The following CBX1 variants were observed in gnomAD, a reference collection of about 807,000 sequenced individuals.
CBX1 encodes chromobox protein homolog 1.
CBX1 carries 10 observed loss-of-function variants against 25.1 expected under a neutral mutation model. That is an observed-to-expected ratio of 0.40 (90% CI 0.25 to 0.68). The LOEUF (loss-of-function observed/expected upper bound fraction) is 0.68, where lower values mean the gene tolerates loss of function less well. Ranked by LOEUF, CBX1 falls within the 30% of genes least tolerant of loss-of-function variation. The pLI, the probability that CBX1 is intolerant of heterozygous loss-of-function variation, is 0.40. For missense variants in CBX1, 106 were observed against 218.5 expected, an observed-to-expected ratio of 0.49 and a Z score of 3.25; for synonymous variants, 63 against 79.4, an observed-to-expected ratio of 0.79 and a Z score of 1.10.
intron 1 of CBX1, among the ~76,000 whole-genome samples, chr17:48,091,535 C>CTTTTT (rs4053473): frequency 9.7e-4 from 70 of 72,162 alleles, no homozygotes; most frequent in African/African-American, 3.3e-3. Flanking sequence ...CCACCATGCC[C>CTTTTT]TTTTTTTTTT....
chr17:48,087,664 G>A (rs570115030), intron 1 of CBX1, among the ~76,000 whole-genome samples: 47 of 152,144 alleles, frequency 3.1e-4, no homozygotes, highest in Non-Finnish European at 5.7e-4. Context: ...ACTAGGTCAT[G>A]AGATCGAGAC....
intron 1 of CBX1, among the ~76,000 whole-genome samples, chr17:48,091,717 A>T (rs539491179): frequency 8.0e-5 from 12 of 149,428 alleles, no homozygotes; most frequent in Non-Finnish European, 1.8e-4. Context: ...AATTTTTTGA[A>T]TTTTTAGTAG....
chr17:48,096,368 T>A lies in CBX1; in HGVS notation c.-38+4900A>T, dbSNP rs1312443334. ...GAGAGGCCACAAGAGTCTACAAATG[T>A]TAGTATGGACACAGAGATACCTCAA... On this transcript the variant is annotated intron_variant, in intron 1 of 4. Transcript: ENST00000225603. 3.0e-6 allele frequency: 3 copies of A among 985,122 alleles called. No homozygotes were observed. In the African/African-American group the frequency reaches 5.2e-5, roughly 17 times the overall value. The allele number at this position is 985,122 out of a possible 1,614,324, so 61.0% of individuals were successfully genotyped here. A position where few individuals can be genotyped will look rare whatever the true frequency, so the allele number is the denominator to read the frequency against.
At chr17:48,099,124 CAG>C (rs1460480387) in intron 1 of CBX1, among the ~76,000 whole-genome samples, 3 of 152,076 alleles carry the variant, frequency 2.0e-5, no homozygotes, top group Non-Finnish European at 4.4e-5. Context: ...TTTTTTGAGA[CAG>C]AGTCTCGCTC....
chr17:48,097,141 TA>T (rs2063379730), intron 1 of CBX1, among the ~76,000 whole-genome samples: 1 of 150,820 alleles, frequency 6.6e-6, no homozygotes, highest in Admixed American at 6.6e-5. Flanking sequence ...TAATTCCAGC[TA>T]CTTAGGAGGC....
At chr17:48,094,813 G>A (rs1382503573) in intron 1 of CBX1, among the ~76,000 whole-genome samples, 2 of 150,750 alleles carry the variant, frequency 1.3e-5, no homozygotes, top group East Asian at 2.0e-4. Flanking sequence ...TTGGGAAGTC[G>A]AGGCGGGTGG....
chr17:48,073,824 CA>C (rs60857566), intron 4 of CBX1, among the ~76,000 whole-genome samples: 22,592 of 82,152 alleles, frequency 0.28, 2,095 homozygotes, highest in Admixed American at 0.34. Context: ...GAGACTGTCT[CA>C]AAAAAAAAAA....
chr17:48,075,774 T>C (rs946976218), intron 3 of CBX1, among the ~76,000 whole-genome samples: 1 of 152,194 alleles, frequency 6.6e-6, no homozygotes, highest in Admixed American at 6.5e-5. Context: ...CACTTGCCCT[T>C]ATATCTGTCC....
chr17:48,099,974 A>C (rs2063398576), intron 1 of CBX1, among the ~76,000 whole-genome samples: 2 of 151,964 alleles, frequency 1.3e-5, no homozygotes, highest in Admixed American at 6.6e-5. Flanking sequence ...CCCCGTCTCT[A>C]CTAAAAATAC....
At chr17:48,088,866 C>G (rs892607918) in intron 1 of CBX1, 2 of 150,838 alleles carry the variant, frequency 1.3e-5, no homozygotes, top group African/African-American at 4.9e-5. Context: ...CCATAGTATT[C>G]CATTGTATGG....
At chr17:48,082,889 G>T (rs746017279) in intron 1 of CBX1, among the ~76,000 whole-genome samples, 3 of 138,012 alleles carry the variant, frequency 2.2e-5, no homozygotes, top group African/African-American at 8.7e-5. Flanking sequence ...TTTTTGAGAC[G>T]GAATTTCGCT....
chr17:48,083,074 C>A (rs2037754626), intron 1 of CBX1, among the ~76,000 whole-genome samples: 1 of 150,048 alleles, frequency 6.7e-6, no homozygotes, highest in South Asian at 2.1e-4. Flanking sequence ...CCATGTTGGT[C>A]AGGCTGGTCT....
intron 1 of CBX1, among the ~76,000 whole-genome samples, chr17:48,097,885 G>A (rs903084935): frequency 1.6e-4 from 25 of 152,134 alleles, no homozygotes; most frequent in Admixed American, 1.3e-4. Context: ...GTAAATTATT[G>A]CTCAGGTCAA....
chr17:48,099,912 G>T (rs2144480676), intron 1 of CBX1, among the ~76,000 whole-genome samples: 1 of 152,142 alleles, frequency 6.6e-6, no homozygotes, highest in South Asian at 2.1e-4. Context: ...AGGCCGACGC[G>T]GGAGGATCAC....
intron 4 of CBX1, 90 bp from the exon 5 acceptor site, chr17:48,071,669 G>C (rs1383731525): frequency 4.5e-6 from 5 of 1,120,838 alleles, no homozygotes; most frequent in Non-Finnish European, 6.1e-6. Context: ...TTTAAAAATG[G>C]TAATTTTAGA....
Position 48,101,407 on chromosome 17 carries a change from GC to G in CBX1, c.-178del. 9 of 985,512 alleles carry G rather than the reference GC, an allele frequency of 9.1e-6. No homozygotes were observed. The highest frequency in any genetic ancestry group is 3.5e-5 in the African/African-American group (2 of 57,366). 61.0% of individuals were successfully genotyped at this position (985,512 alleles called of 1,614,324 possible). A position where few individuals can be genotyped will look rare whatever the true frequency, so the allele number is the denominator to read the frequency against. ...GCGTCCCTCACTGAAGCGGCGTACC[GC>G]AGGCCCCGGCCAACGGCCCTCCCCT... On this transcript the variant is annotated 5_prime_UTR_variant, in exon 1 of 5. Transcript: ENST00000225603.
intron 2 of CBX1, among the ~76,000 whole-genome samples, 171 bp downstream of exon 2, chr17:48,076,694 A>G (rs1418671094): frequency 6.6e-6 from 1 of 152,196 alleles, no homozygotes; most frequent in African/African-American, 2.4e-5. Context: ...TTTAAAAAGA[A>G]GTCATTCTGC....
intron 2 of CBX1, 113 bp downstream of exon 2, chr17:48,076,752 T>C: frequency 1.1e-6 from 1 of 878,604 alleles, no homozygotes; most frequent in Non-Finnish European, 1.8e-6. Flanking sequence ...CAATAAGCCA[T>C]GAAGGTGGGG....
At chr17:48,098,249 T>TA (rs1157183646) in intron 1 of CBX1, among the ~76,000 whole-genome samples, 3 of 110,646 alleles carry the variant, frequency 2.7e-5, no homozygotes, top group Non-Finnish European at 5.5e-5. Flanking sequence ...CACTCTGTCT[T>TA]AAAAAAACAA....
Sources: gnomAD v4.1 joint callset for allele counts (sites outside exome capture counted in the v4.1 genomes callset) on GRCh38, gnomAD v4.1.1 for gene constraint, MANE v1.5 for transcripts, NCBI Gene and HGNC (gene_info 2026-07-23, HGNC 2026-07-21) for gene names.